Variants in APBA2 observed in about 807,000 individuals in gnomAD.
APBA2 encodes amyloid-beta A4 precursor protein-binding family A member 2.
APBA2 carries 30 observed loss-of-function variants against 75.0 expected under a neutral mutation model. The observed-to-expected ratio is 0.40, with a 90% CI of 0.30 to 0.54. The LOEUF (loss-of-function observed/expected upper bound fraction) is 0.54, where lower values mean the gene tolerates loss of function less well. Ranked by LOEUF, APBA2 falls within the 20% of genes least tolerant of loss-of-function variation. The probability of loss-of-function intolerance (pLI) is 0.49; values close to 1 mark genes in which losing one functional copy is unlikely to be tolerated. For synonymous variants in APBA2, 444 were observed against 409.6 expected (o/e 1.08, Z -1.01); for missense variants, 801 against 1,016.1 (o/e 0.79, Z 2.88).
chr15:29,026,198 C>CT (rs2040214426), intron 3 of APBA2, among the ~76,000 whole-genome samples: 1 of 152,184 alleles, frequency 6.6e-6, no homozygotes, highest in South Asian at 2.1e-4. Context: ...GTTCCAGGGG[C>CT]TCAAATGTTC....
rs193150878 is a variant in APBA2, at chr15:28,991,904, C to T, written c.-94-3849C>T. ...GTTTCCCAAACCTGTGTGCCGAGTG[C>T]CAGCCCCTTAGCAAGTGCAGCGTTG... On this transcript the variant is annotated intron_variant, in intron 2 of 14. Transcript: ENST00000683413. This position sits in a 1 kb window ranked among gnomAD's most constrained non-coding sequence, Gnocchi z 4.7. 9.3e-4 allele frequency among the ~76,000 whole-genome samples: 141 copies of T among 152,320 alleles called. 1 individual carries two copies. Among genetic ancestry groups the T allele is most frequent in the African/African-American group, 3.2e-3 (132 of 41,566 alleles).
intron 3 of APBA2, among the ~76,000 whole-genome samples, chr15:29,012,358 C>T (rs1465015781): frequency 6.6e-6 from 1 of 152,106 alleles, no homozygotes; most frequent in Non-Finnish European, 1.5e-5. Flanking sequence ...TTTGAGTGTG[C>T]TTGGCATTTT....
chr15:28,940,311 G>C (rs2035124146), intron 2 of APBA2, among the ~76,000 whole-genome samples: 1 of 128,930 alleles, frequency 7.8e-6, no homozygotes, highest in African/African-American at 2.9e-5. Flanking sequence ...AGGAGATCGA[G>C]ACCATCCTGG....
chr15:29,069,624 T>C (rs1449179608), intron 4 of APBA2, among the ~76,000 whole-genome samples: 3 of 152,244 alleles, frequency 2.0e-5, no homozygotes, highest in African/African-American at 7.2e-5. Context: ...GTTTATACCC[T>C]GGCTCATCCT....
At chr15:29,070,732 G>T (rs1039166910) in intron 4 of APBA2, 9 of 240,200 alleles carry the variant, frequency 3.7e-5, no homozygotes, top group African/African-American at 1.8e-4. Context: ...TGACCAGGGG[G>T]TCATGCTCTC....
intron 2 of APBA2, among the ~76,000 whole-genome samples, chr15:28,936,899 CAGA>C (rs2034906761): frequency 2.6e-5 from 4 of 152,194 alleles, no homozygotes. Context: ...TACCCTCATG[CAGA>C]TGGTGGCCTC....
rs369913636 is a variant in APBA2, at chr15:29,054,295, G to A, written c.411G>A (p.Ala137=). ...TGGACACTGATGAGTGCCAGGAGGC[G>A]GTGGAGGAGTGGACGGACTCGGCGG... The part of the protein sequence containing the change: ...HPVDTDECQE[A]VEEWTDSAGP... The change falls in exon 4 of 15, where the codon GCG becomes GCA. Residue 137 remains alanine (A), a synonymous_variant. Transcript: ENST00000683413. The surrounding 1 kb of genome is among the most constrained non-coding windows in gnomAD (Gnocchi z 6.1). 3.7e-5 allele frequency: 60 copies of A among 1,614,136 alleles called. No individual in the cohort carries two copies. In the Middle Eastern group the frequency reaches 6.6e-4, roughly 18 times the overall value.
intron 4 of APBA2, among the ~76,000 whole-genome samples, chr15:29,057,310 T>G (rs1363275006): frequency 6.6e-6 from 1 of 152,174 alleles, no homozygotes; most frequent in Non-Finnish European, 1.5e-5. Flanking sequence ...TGTGATGCTG[T>G]AGGAGACTCA....
intron 2 of APBA2, among the ~76,000 whole-genome samples, chr15:28,934,681 C>T (rs1457450471): frequency 6.6e-6 from 1 of 151,998 alleles, no homozygotes; most frequent in East Asian, 1.9e-4. Context: ...GTATTTTATC[C>T]CCTGGGGCCT....
chr15:28,957,156 TC>T (rs1191382636), intron 2 of APBA2, among the ~76,000 whole-genome samples: 2 of 152,148 alleles, frequency 1.3e-5, no homozygotes, highest in Non-Finnish European at 2.9e-5. Flanking sequence ...CACTGCAAGC[TC>T]CGCCTCCCGG....
intron 4 of APBA2, among the ~76,000 whole-genome samples, chr15:29,058,012 C>T (rs563184013): frequency 1.2e-3 from 178 of 152,244 alleles, no homozygotes; most frequent in African/African-American, 4.0e-3. Context: ...CTTCCTGTTG[C>T]GTATGTCCTC....
chr15:28,987,797 C>T (rs1227397345), intron 2 of APBA2, among the ~76,000 whole-genome samples: 1 of 143,576 alleles, frequency 7.0e-6, no homozygotes, highest in Non-Finnish European at 1.5e-5. Context: ...CACTCTGTCA[C>T]CCAGGCTGGA....
chr15:28,893,929 C>T (rs1449703083), intron 1 of APBA2: 1 of 152,218 alleles, frequency 6.6e-6, no homozygotes, highest in Non-Finnish European at 1.5e-5. Flanking sequence ...TGATTTGATA[C>T]ACCTAGAGGC....
chr15:28,893,012 G>C (rs2032237178), intron 1 of APBA2, among the ~76,000 whole-genome samples: 1 of 152,206 alleles, frequency 6.6e-6, no homozygotes, highest in South Asian at 2.1e-4. Context: ...TAATAAGTGA[G>C]CCATGTGCTC....
At chr15:28,975,942 A>G (rs1469113299) in intron 2 of APBA2, among the ~76,000 whole-genome samples, 2 of 152,230 alleles carry the variant, frequency 1.3e-5, no homozygotes, top group East Asian at 3.8e-4. Flanking sequence ...GACTTGGTGC[A>G]CCTGCATAGA....
intron 2 of APBA2, among the ~76,000 whole-genome samples, chr15:28,966,841 TC>T (rs1355383366): frequency 6.6e-6 from 1 of 152,210 alleles, no homozygotes; most frequent in African/African-American, 2.4e-5. Context: ...TGGATAGTGT[TC>T]TTTATGATTG....
rs181616091 is a variant in APBA2, at chr15:28,920,500, G to A, written c.-204-1140G>A. Among the ~76,000 whole-genome samples, 98 of 152,366 alleles carry A rather than the reference G, an allele frequency of 6.4e-4. 2 individuals are homozygous for A. Among genetic ancestry groups the A allele is most frequent in the African/African-American group, 2.2e-3 (93 of 41,602 alleles). The stretch of plus-strand genomic sequence containing the variant: ...TGCCTTTCATGCCCACACCACGGTA[G>A]GAGCAGGCAGGTGGGGTTTGGCCTG... On this transcript the variant is annotated intron_variant, in intron 1 of 14. Transcript: ENST00000683413.
intron 2 of APBA2, among the ~76,000 whole-genome samples, chr15:28,936,341 C>G (rs1013297439): frequency 1.3e-5 from 2 of 152,128 alleles, no homozygotes; most frequent in Non-Finnish European, 2.9e-5. Flanking sequence ...AGCTATGAGC[C>G]CCTCCTACTA....
intron 3 of APBA2, among the ~76,000 whole-genome samples, chr15:28,998,950 G>A (rs1361451514): frequency 6.6e-6 from 1 of 152,082 alleles, no homozygotes; most frequent in East Asian, 1.9e-4. Context: ...AGTTCGAGAC[G>A]AGCCTGGCCA....
Sources: gnomAD v4.1 joint callset for allele counts (sites outside exome capture counted in the v4.1 genomes callset) on GRCh38, gnomAD v4.1.1 for gene constraint, Gnocchi (gnomAD v3.1) non-coding constraint, MANE v1.5 for transcripts, NCBI Gene and HGNC (gene_info 2026-07-23, HGNC 2026-07-21) for gene names.